Variants in EPAS1 observed in about 807,000 individuals in gnomAD.
EPAS1 encodes the protein endothelial PAS domain protein 1.
Under a neutral mutation model 87.9 loss-of-function variants are expected in EPAS1, and 23 were observed. That is an observed-to-expected ratio of 0.26 (90% CI 0.19 to 0.37). The LOEUF (loss-of-function observed/expected upper bound fraction) is 0.37. Among genes scored for constraint, EPAS1 ranks in the 10% least tolerant of loss-of-function variants. The probability of loss-of-function intolerance (pLI) is 1.00; values close to 1 mark genes in which losing one functional copy is unlikely to be tolerated. For missense variants in EPAS1, 1,138 were observed against 1,120.7 expected, an observed-to-expected ratio of 1.02 and a Z score of -0.22; for synonymous variants, 508 against 444.3, an observed-to-expected ratio of 1.14 and a Z score of -1.80.
In EPAS1 at chr2:46,356,263, T is replaced by C; in HGVS notation, c.330T>C (p.Phe110=). 2 of 1,614,174 alleles carry C rather than the reference T, an allele frequency of 1.2e-6. No homozygotes were observed. Among genetic ancestry groups the C allele is most frequent in the East Asian group, 4.5e-5 (2 of 44,888 alleles). Reference sequence around the variant, plus strand: ...TGACCCAAGATGGCGACATGATCTTTCTGTCAGAAAACATCAGCAAGTTCA... The same window carrying C: ...TGACCCAAGATGGCGACATGATCTTCCTGTCAGAAAACATCAGCAAGTTCA... ...AVVTQDGDMI[F]LSENISKFMG... Residue 110 remains phenylalanine (F), a synonymous_variant, in exon 3 of 16, where the codon TTT becomes TTC. Transcript: ENST00000263734.
At chr2:46,365,454 G>A (rs899030725) in intron 6 of EPAS1, among the ~76,000 whole-genome samples, 1 of 152,180 alleles carries the variant, frequency 6.6e-6, no homozygotes, top group African/African-American at 2.4e-5. Flanking sequence ...CAAAGAAGTT[G>A]AGAATAAGTA....
chr2:46,354,636 G>A (rs576261222), intron 2 of EPAS1, among the ~76,000 whole-genome samples: 37 of 151,650 alleles, frequency 2.4e-4, no homozygotes, highest in South Asian at 1.0e-3. Context: ...CCACCTGTAC[G>A]GCCTGCTGAG....
At chr2:46,364,867 T>C (rs3768729) in intron 6 of EPAS1, among the ~76,000 whole-genome samples, 62,392 of 152,042 alleles carry the variant, frequency 0.41, 13,674 homozygotes, top group East Asian at 0.78. Flanking sequence ...TATGTAACTG[T>C]GTGCCAGAGA....
rs1572608148 is a variant in EPAS1, at chr2:46,297,762, A to G, written c.-150A>G. 1.9e-6 allele frequency: 2 copies of G among 1,063,050 alleles called. No individual in the cohort carries two copies. The highest frequency in any genetic ancestry group is 2.9e-4 in the Middle Eastern group (1 of 3,392). 65.9% of individuals were successfully genotyped at this position (1,063,050 alleles called of 1,614,324 possible). On this transcript the variant is annotated 5_prime_UTR_variant, in exon 1 of 16. Coordinates refer to ENST00000263734, the MANE Select transcript of EPAS1 (RefSeq NM_001430.5). Reference sequence around the variant, plus strand: ...CCTAGCCCGCCGCGCGCCACCTTCCACCTGACTGCGCGGGGCGCTCGGGAC... The same window carrying G: ...CCTAGCCCGCCGCGCGCCACCTTCCGCCTGACTGCGCGGGGCGCTCGGGAC...
At position 46,380,365 on chromosome 2, in the gene EPAS1, A is replaced by G. The variant is rs11545018; in HGVS notation, c.1693A>G (p.Ser565Gly). ...NPQSTPQHCF[S>G]AMTNIFQPLA... ...ACAGTCCACCCCCCAGCACTGCTTCAGTGCCATGACAAACATCTTCCAGCC... is the reference window on the plus strand; with the variant it reads ...ACAGTCCACCCCCCAGCACTGCTTCGGTGCCATGACAAACATCTTCCAGCC... Residue 565 changes from serine (S) to glycine (G), a missense_variant, in exon 12 of 16, where the codon AGT becomes GGT. By Grantham distance (56) the Ser-to-Gly change is moderately conservative (BLOSUM62 0). Transcript: ENST00000263734. This position sits in a 1 kb window ranked among gnomAD's most constrained non-coding sequence, Gnocchi z 4.4. 5 of 1,614,158 alleles carry G rather than the reference A, an allele frequency of 3.1e-6. No individual in the cohort carries two copies. Among genetic ancestry groups the G allele is most frequent in the Non-Finnish European group, 4.2e-6 (5 of 1,180,014 alleles).
At position 46,386,689 on chromosome 2, in the gene EPAS1, C is replaced by T. The variant is rs1685034492; in HGVS notation, c.*2029C>T. 1 of 152,524 alleles carries T rather than the reference C, an allele frequency of 6.6e-6. No homozygotes were observed. The highest frequency in any genetic ancestry group is 6.5e-5 in the Admixed American group (1 of 15,286). 9.4% of individuals were successfully genotyped at this position (152,524 alleles called of 1,614,324 possible). A position where few individuals can be genotyped will look rare whatever the true frequency, so the allele number is the denominator to read the frequency against. ...GACACTGGTATCTTATTAAAGTATT[C>T]TGATCCTACCACTGCTGGTGGCTCT... On this transcript the variant is annotated 3_prime_UTR_variant, in exon 16 of 16. Transcript: ENST00000263734.
chr2:46,377,922 C>T lies in EPAS1; in HGVS notation c.1278C>T (p.Ala426=). 1.3e-6 allele frequency: 2 copies of T among 1,554,226 alleles called. No homozygotes were observed. The highest frequency in any genetic ancestry group is 1.7e-6 in the Non-Finnish European group (2 of 1,148,342). The part of the protein sequence containing the change: ...FGNQNFEESS[A]YGKAILPPSQ... ...ATCAGAACTTCGAGGAGTCCTCAGC[C>T]TATGGCAAGGCCATCCTGCCCCCGA... Residue 426 remains alanine (A), a synonymous_variant, in exon 10 of 16, where the codon GCC becomes GCT. Coordinates refer to ENST00000263734, the MANE Select transcript of EPAS1 (RefSeq NM_001430.5).
At chr2:46,349,378 G>T (rs997426843) in intron 2 of EPAS1, among the ~76,000 whole-genome samples, 1 of 152,340 alleles carries the variant, frequency 6.6e-6, no homozygotes, top group Admixed American at 6.5e-5. Context: ...GTGTGTTCTG[G>T]TGTGAGCCCT....
chr2:46,327,349 A>G (rs1342150663), intron 1 of EPAS1, among the ~76,000 whole-genome samples: 2 of 152,154 alleles, frequency 1.3e-5, no homozygotes, highest in Non-Finnish European at 2.9e-5. Flanking sequence ...TTAGAGAATT[A>G]GAGAATATTA....
chr2:46,321,695 C>T (rs1043837577), intron 1 of EPAS1, among the ~76,000 whole-genome samples: 1 of 151,628 alleles, frequency 6.6e-6, no homozygotes, highest in Non-Finnish European at 1.5e-5. Context: ...ACCCCACCCC[C>T]GCACCCCCAC....
rs147402005 is a variant in EPAS1, at chr2:46,369,303, G to C, written c.780-524G>C. ...CTGGACTCCCTCTCACGTGCTGGTT[G>C]ACACAGAGACAAAGGTGGCTCTACC... is the stretch of plus-strand genomic sequence containing the variant. On this transcript the variant is annotated intron_variant, in intron 6 of 15. Transcript: ENST00000263734. 1.5e-3 allele frequency among the ~76,000 whole-genome samples: 231 copies of C among 152,280 alleles called. 1 individual carries two copies. Among genetic ancestry groups the C allele is most frequent in the African/African-American group, 5.3e-3 (222 of 41,546 alleles).
intron 6 of EPAS1, among the ~76,000 whole-genome samples, chr2:46,363,866 A>T (rs1229878604): frequency 6.6e-6 from 1 of 152,228 alleles, no homozygotes; most frequent in African/African-American, 2.4e-5. Flanking sequence ...AAGCATTTAA[A>T]GACATAGAAT....
At chr2:46,299,693 A>C (rs1483877706) in intron 1 of EPAS1, among the ~76,000 whole-genome samples, 1 of 152,222 alleles carries the variant, frequency 6.6e-6, no homozygotes, top group African/African-American at 2.4e-5. Flanking sequence ...GTGAAGTGTC[A>C]GCTCCTCCTG....
intron 6 of EPAS1, among the ~76,000 whole-genome samples, chr2:46,362,941 A>C: frequency 8.1e-6 from 1 of 123,238 alleles, no homozygotes; most frequent in African/African-American, 3.1e-5. Context: ...GTCACCATTT[A>C]TTGTAATTGT....
At chr2:46,335,101 G>A (rs564242686) in intron 1 of EPAS1, among the ~76,000 whole-genome samples, 33 of 152,152 alleles carry the variant, frequency 2.2e-4, no homozygotes, top group South Asian at 8.3e-4. Flanking sequence ...GGGTTATGAG[G>A]ATGGGGGTAG....
intron 11 of EPAS1, 30 bp downstream of exon 11, chr2:46,378,797 G>A (rs757077866): frequency 6.4e-7 from 1 of 1,563,838 alleles, no homozygotes; most frequent in Non-Finnish European, 8.8e-7. Flanking sequence ...AGGCTAGGGT[G>A]TGTGCCTGCT....
intron 6 of EPAS1, 115 bp downstream of exon 6, chr2:46,361,205 G>A: frequency 6.0e-6 from 7 of 1,162,120 alleles, no homozygotes; most frequent in Middle Eastern, 2.6e-4. Context: ...ATTGCCGGGT[G>A]CATGTTCGTG....
intron 7 of EPAS1, among the ~76,000 whole-genome samples, chr2:46,372,545 C>T (rs184008166): frequency 2.6e-5 from 4 of 152,340 alleles, no homozygotes; most frequent in Admixed American, 1.3e-4. Context: ...ATAATTTATA[C>T]ACTGTTACTC....
Position 46,308,226 on chromosome 2 carries a change from C to T in EPAS1, c.26+10289C>T, listed in dbSNP as rs142184724. Among the ~76,000 whole-genome samples, 84 of 152,290 alleles carry T rather than the reference C, an allele frequency of 5.5e-4. No homozygotes were observed. In the East Asian group the frequency reaches 0.016, roughly 28 times the overall value. ...ATAGCTCCTACTTTTCTATTGTGAGCCCAGGCTTCCCGAAATCTTACACAA... is the reference window on the plus strand; with the variant it reads ...ATAGCTCCTACTTTTCTATTGTGAGTCCAGGCTTCCCGAAATCTTACACAA... On this transcript the variant is annotated intron_variant, in intron 1 of 15. Coordinates refer to ENST00000263734, the MANE Select transcript of EPAS1 (RefSeq NM_001430.5).
Sources: allele counts gnomAD v4.1 joint callset (sites outside exome capture counted in the v4.1 genomes callset), GRCh38; gene constraint gnomAD v4.1.1; non-coding constraint Gnocchi (gnomAD v3.1); transcripts MANE v1.5; gene names NCBI Gene and HGNC (gene_info 2026-07-23, HGNC 2026-07-21).